CLPB: variants seen among roughly 807,000 people sequenced by gnomAD.
CLPB encodes ClpB family mitochondrial disaggregase.
A neutral mutation model predicts 78.4 loss-of-function variants in CLPB; 40 were observed. The ratio of observed to expected loss-of-function variants is 0.51; its 90% CI spans 0.40 to 0.66. CLPB has a LOEUF of 0.66. CLPB is among the 30% of genes least tolerant of loss of function. CLPB has a pLI of 0.00. For synonymous variants in CLPB, 333 were observed against 348.0 expected, an observed-to-expected ratio of 0.96 and a Z score of 0.48; for missense variants, 780 against 886.9, an observed-to-expected ratio of 0.88 and a Z score of 1.53.
intron 2 of CLPB, among the ~76,000 whole-genome samples, chr11:72,421,110 T>G (rs1162665356): frequency 6.6e-6 from 1 of 152,218 alleles, no homozygotes; most frequent in African/African-American, 2.4e-5. Flanking sequence ...CCAGCTTTTT[T>G]GCAGGGTACA....
At chr11:72,303,378 A>G (rs1206004825) in intron 9 of CLPB, among the ~76,000 whole-genome samples, 6 of 152,358 alleles carry the variant, frequency 3.9e-5, no homozygotes, top group African/African-American at 1.4e-4. Flanking sequence ...AATTCACGCC[A>G]TGATGTACTT....
chr11:72,335,071 CTTGAA>C (rs1950295044), intron 5 of CLPB, among the ~76,000 whole-genome samples: 1 of 150,734 alleles, frequency 6.6e-6, no homozygotes, highest in African/African-American at 2.5e-5. Flanking sequence ...AACCATTTGT[CTTGAA>C]TTCCTTCAGA....
chr11:72,427,776 C>G (rs1002067691), intron 2 of CLPB, among the ~76,000 whole-genome samples: 1 of 152,188 alleles, frequency 6.6e-6, no homozygotes, highest in Non-Finnish European at 1.5e-5. Context: ...TGAAATTGCA[C>G]TACTCAGAAT....
At chr11:72,417,652 T>C (rs753769289) in intron 2 of CLPB, among the ~76,000 whole-genome samples, 3 of 152,342 alleles carry the variant, frequency 2.0e-5, no homozygotes, top group Admixed American at 1.3e-4. Flanking sequence ...AGTCAGAATC[T>C]GCCTATTCTT....
chr11:72,312,934 G>A lies in CLPB; in HGVS notation c.988+4172C>T, dbSNP rs1030048892. Among the ~76,000 whole-genome samples the A allele has an allele frequency of 2.0e-5, 3 of 152,128 alleles. No individual in the cohort carries two copies. The highest frequency in any genetic ancestry group is 4.4e-5 in the Non-Finnish European group (3 of 68,018). ...ATTTGTGCTTGAAGGGTGAGAGGGA[G>A]ATTGCCAGCCACTTGCAGGTATGAT... On this transcript the variant is annotated intron_variant, in intron 7 of 15. Transcript: ENST00000538039. This position sits in a 1 kb window ranked among gnomAD's most constrained non-coding sequence, Gnocchi z 4.2.
chr11:72,383,744 T>C (rs1281466414), intron 3 of CLPB, among the ~76,000 whole-genome samples: 2 of 152,006 alleles, frequency 1.3e-5, no homozygotes, highest in Non-Finnish European at 2.9e-5. Flanking sequence ...AAACTCTTCT[T>C]CAGAAATCAA....
chr11:72,333,423 T>C (rs1006439605), intron 5 of CLPB, among the ~76,000 whole-genome samples: 4 of 152,246 alleles, frequency 2.6e-5, no homozygotes, highest in African/African-American at 7.2e-5. Flanking sequence ...AGCCAATGAA[T>C]AGTTTCCCTC....
intron 4 of CLPB, among the ~76,000 whole-genome samples, chr11:72,378,331 G>A (rs1030493190): frequency 6.6e-6 from 1 of 152,178 alleles, no homozygotes; most frequent in Non-Finnish European, 1.5e-5. Context: ...AACAAAAAGA[G>A]GTTTAATTGG....
In CLPB at chr11:72,286,250, A is replaced by G; in HGVS notation, c.*7117T>C. Reference sequence around the variant, plus strand: ...TTTTTTTTTTTTTTTTTTTTTTAAGAGATAGGGTGTCACTCTGCCACCCAG... The same window carrying G: ...TTTTTTTTTTTTTTTTTTTTTTAAGGGATAGGGTGTCACTCTGCCACCCAG... On this transcript the variant is annotated 3_prime_UTR_variant, in exon 16 of 16. Transcript: ENST00000538039. 2.5e-5 allele frequency: 1 copy of G among 39,668 alleles called. No homozygotes were observed. The highest frequency in any genetic ancestry group is 1.9e-4 in the Admixed American group (1 of 5,236). The allele number at this position is 39,668 out of a possible 1,614,324, so 2.5% of individuals were successfully genotyped here.
intron 5 of CLPB, among the ~76,000 whole-genome samples, chr11:72,356,648 G>C (rs942214746): frequency 1.3e-5 from 2 of 152,222 alleles, no homozygotes; most frequent in African/African-American, 2.4e-5. Flanking sequence ...ATGTAAAGGT[G>C]GGGGCTAAGG....
chr11:72,407,185 G>C (rs1394358597), intron 2 of CLPB, among the ~76,000 whole-genome samples: 6 of 152,168 alleles, frequency 3.9e-5, no homozygotes, highest in African/African-American at 1.2e-4. Context: ...TGTACTTGGA[G>C]TGAAATCACT....
intron 3 of CLPB, among the ~76,000 whole-genome samples, chr11:72,383,854 A>G (rs1218405183): frequency 6.6e-6 from 1 of 152,230 alleles, no homozygotes; most frequent in African/African-American, 2.4e-5. Context: ...TAATAAATTT[A>G]TATGAAATGC....
In CLPB at chr11:72,433,032, C is replaced by T. The variant is rs75616238; in HGVS notation, c.403+1040G>A. ...CTCTCTCAGCTGCTGCTTAGCTCCC[C>T]GGATCCAAATGAGATGCTAATCGGG... On this transcript the variant is annotated intron_variant, in intron 1 of 15. Coordinates refer to ENST00000538039, the MANE Select transcript of CLPB (RefSeq NM_001258392.3). Among the ~76,000 whole-genome samples the T allele has an allele frequency of 9.2e-5, 14 of 152,230 alleles. No individual in the cohort carries two copies. In the South Asian group the frequency reaches 2.9e-3, roughly 32 times the overall value.
At chr11:72,423,500 T>C (rs1590932098) in intron 2 of CLPB, among the ~76,000 whole-genome samples, 1 of 152,324 alleles carries the variant, frequency 6.6e-6, no homozygotes, top group Middle Eastern at 3.4e-3. Context: ...ACTTCCTCCA[T>C]CTCTGCTGCT....
At chr11:72,318,094 G>A (rs916995305) in intron 6 of CLPB, among the ~76,000 whole-genome samples, 3 of 152,266 alleles carry the variant, frequency 2.0e-5, no homozygotes, top group African/African-American at 7.2e-5. Flanking sequence ...TTGAAAACAA[G>A]TTTGGTGAAT....
intron 7 of CLPB, among the ~76,000 whole-genome samples, chr11:72,308,908 G>C (rs2135513403): frequency 6.6e-6 from 1 of 152,284 alleles, no homozygotes; most frequent in Admixed American, 6.5e-5. Flanking sequence ...GGTGAAGGGG[G>C]TGGGGGACTG....
At chr11:72,317,014 A>G in intron 7 of CLPB, 92 bp downstream of exon 7, 1 of 764,420 alleles carries the variant, frequency 1.3e-6, no homozygotes, top group African/African-American at 1.8e-5. Context: ...CTAATTTTTA[A>G]TATTATTAAC....
intron 10 of CLPB, 148 bp from the exon 11 acceptor site, chr11:72,302,112 T>A: frequency 1.0e-6 from 1 of 1,001,266 alleles, no homozygotes; most frequent in Non-Finnish European, 1.5e-6. Flanking sequence ...GTGTGGCAGA[T>A]AGATCTTCTC....
rs572580683 is a variant in CLPB, at chr11:72,317,795, G to A, written c.874-575C>T. Among the ~76,000 whole-genome samples, 263 of 152,324 alleles carry A rather than the reference G, an allele frequency of 1.7e-3. 4 individuals carry two copies. Among genetic ancestry groups the A allele is most frequent in the Non-Finnish European group, 2.1e-3 (142 of 68,036 alleles). On this transcript the variant is annotated intron_variant, in intron 6 of 15. Coordinates refer to ENST00000538039, the MANE Select transcript of CLPB (RefSeq NM_001258392.3). ...TTGTGCATGGCCATGATGAAAGGGTGGGGCAGAGGAAGGAGGACTGTGCCC... is the reference window on the plus strand; with the variant it reads ...TTGTGCATGGCCATGATGAAAGGGTAGGGCAGAGGAAGGAGGACTGTGCCC...
Sources: gnomAD v4.1 joint callset for allele counts (sites outside exome capture counted in the v4.1 genomes callset) on GRCh38, gnomAD v4.1.1 for gene constraint, Gnocchi (gnomAD v3.1) non-coding constraint, MANE v1.5 for transcripts, NCBI Gene and HGNC (gene_info 2026-07-23, HGNC 2026-07-21) for gene names.